SUPT5H: variants seen among roughly 807,000 people sequenced by gnomAD.
SUPT5H encodes transcription elongation factor SPT5.
In SUPT5H, 24 loss-of-function variants were observed where a neutral mutation model predicts 142.5. That is an observed-to-expected ratio of 0.17 (90% CI 0.12 to 0.24). The LOEUF (loss-of-function observed/expected upper bound fraction) is 0.24, where lower values mean the gene tolerates loss of function less well. Ranked by LOEUF, SUPT5H falls within the 10% of genes least tolerant of loss-of-function variation. SUPT5H has a pLI of 1.00. For missense variants in SUPT5H, 893 were observed against 1,471.8 expected (o/e 0.61, Z 6.43); for synonymous variants, 546 against 553.0 (o/e 0.99, Z 0.18).
chr19:39,455,278 G>A (rs929133603), intron 3 of SUPT5H, among the ~76,000 whole-genome samples: 2 of 152,066 alleles, frequency 1.3e-5, no homozygotes, highest in African/African-American at 2.4e-5. Context: ...AAATTACGTG[G>A]GGGCTGGGCG....
chr19:39,472,941 G>C lies in SUPT5H; in HGVS notation c.2155+12G>C. ...GGGGCCCTACAAAGGTGACCTGCGA[G>C]GCCTGTGGAGGCCTGGGGAGGGGCA... On this transcript the variant is annotated intron_variant, in intron 22 of 29. Transcript: ENST00000432763. The surrounding 1 kb of genome is among the most constrained non-coding windows in gnomAD (Gnocchi z 4.2). 6.2e-7 allele frequency: 1 copy of C among 1,611,520 alleles called. No individual in the cohort carries two copies. The highest frequency in any genetic ancestry group is 1.7e-4 in the Middle Eastern group (1 of 6,056).
At chr19:39,453,974 A>G (rs1278798400) in intron 3 of SUPT5H, among the ~76,000 whole-genome samples, 1 of 152,222 alleles carries the variant, frequency 6.6e-6, no homozygotes, top group Non-Finnish European at 1.5e-5. Flanking sequence ...AAAGAGGACA[A>G]TTTATTGAAG....
chr19:39,476,372 C>T lies in SUPT5H; in HGVS notation c.3237C>T (p.Arg1079=), dbSNP rs772764133. Residue 1079 remains arginine, a synonymous_variant, in exon 30 of 30, where the codon CGC becomes CGT. Transcript: ENST00000432763. ...LDEQLKILNL[R]FLGKLLEA ...AGCAGCTCAAGATCCTCAACCTCCG[C>T]TTCCTGGGGAAGCTCCTGGAAGCCT... 6.2e-7 allele frequency: 1 copy of T among 1,614,124 alleles called. No individual in the cohort carries two copies. Among genetic ancestry groups the T allele is most frequent in the East Asian group, 2.2e-5 (1 of 44,876 alleles).
At chr19:39,462,991 C>G (rs537485020) in intron 10 of SUPT5H, among the ~76,000 whole-genome samples, 2 of 150,216 alleles carry the variant, frequency 1.3e-5, no homozygotes, top group Non-Finnish European at 3.0e-5. Context: ...AGGCACCCAC[C>G]ACCATGCCCA....
chr19:39,465,515 T>C (rs972355186), intron 11 of SUPT5H, among the ~76,000 whole-genome samples: 3 of 152,356 alleles, frequency 2.0e-5, no homozygotes, highest in African/African-American at 7.2e-5. Flanking sequence ...CCACTGGTTC[T>C]CAAGCCAGGG....
chr19:39,461,651 C>T (rs757562412), intron 10 of SUPT5H, among the ~76,000 whole-genome samples: 11 of 151,726 alleles, frequency 7.2e-5, no homozygotes, highest in South Asian at 2.1e-4. Flanking sequence ...GGTGAAACTC[C>T]GTCTCTACCA....
intron 11 of SUPT5H, among the ~76,000 whole-genome samples, chr19:39,465,833 C>T (rs192076080): frequency 3.0e-4 from 46 of 152,298 alleles, no homozygotes; most frequent in African/African-American, 9.6e-4. Context: ...AGGACCAAGA[C>T]CCTAATACAC....
At chr19:39,446,026 G>T (rs1249431023) in intron 2 of SUPT5H, 61 bp downstream of exon 2, 11 of 1,558,276 alleles carry the variant, frequency 7.1e-6, no homozygotes, top group African/African-American at 1.3e-5. Context: ...GGGCAGAAAG[G>T]CCCCTGTGGG....
rs1474150232 is a variant in SUPT5H at position 39,472,535 on chromosome 19, G to C, written c.2035+42G>C. 1 of 1,605,658 alleles carries C rather than the reference G, an allele frequency of 6.2e-7. No individual in the cohort carries two copies. Among genetic ancestry groups the C allele is most frequent in the Non-Finnish European group, 8.5e-7 (1 of 1,173,358 alleles). ...GTCAGGGGATGTGGTGGGTAGAAGG[G>C]GCTGGAAGGAACTTGGTTGTTCAGC... On this transcript the variant is annotated intron_variant, in intron 21 of 29. Transcript: ENST00000432763. This position sits in a 1 kb window ranked among gnomAD's most constrained non-coding sequence, Gnocchi z 4.2.
intron 3 of SUPT5H, among the ~76,000 whole-genome samples, chr19:39,456,212 C>CA (rs1385442640): frequency 6.6e-6 from 1 of 151,344 alleles, no homozygotes; most frequent in Non-Finnish European, 1.5e-5. Flanking sequence ...CCATTGTGCC[C>CA]AGACCTTTTT....
Position 39,476,482 on chromosome 19 carries a change from C to T in SUPT5H, c.*83C>T. ...CCCTTGGCTGTGACACAAGATCCTC[C>T]TGCAGGGCTAGGCGGATTGTTCTGG... On this transcript the variant is annotated 3_prime_UTR_variant, in exon 30 of 30. Transcript: ENST00000432763. 1 of 1,547,594 alleles carries T rather than the reference C, an allele frequency of 6.5e-7. No homozygotes were observed. Among genetic ancestry groups the T allele is most frequent in the Non-Finnish European group, 8.9e-7 (1 of 1,129,928 alleles).
At chr19:39,475,805 A>ATCT in intron 28 of SUPT5H, 26 of 449,492 alleles carry the variant, frequency 5.8e-5, no homozygotes, top group South Asian at 2.5e-4. Flanking sequence ...TGTGGGGAAG[A>ATCT]CGCTGAGGCC....
rs555520519 is a variant in SUPT5H at position 39,466,327 on chromosome 19, A to G, written c.877-153A>G. ...CAGTGCCAGAGTTGAGGGGACAGAC[A>G]AGCTAGCGTGGGACTTTTGGGAGTG... is the stretch of plus-strand genomic sequence containing the variant. On this transcript the variant is annotated intron_variant, in intron 11 of 29. Transcript: ENST00000432763. The surrounding 1 kb of genome is among the most constrained non-coding windows in gnomAD (Gnocchi z 4.3). The G allele has an allele frequency of 5.7e-4, 392 of 684,228 alleles. No individual in the cohort carries two copies. The African/African-American group carries it at 6.4e-3, about 11-fold the overall frequency. The allele number at this position is 684,228 out of a possible 1,614,324, so 42.4% of individuals were successfully genotyped here.
chr19:39,468,678 C>A, intron 13 of SUPT5H, 78 bp from the exon 14 acceptor site: 1 of 1,304,592 alleles, frequency 7.7e-7, no homozygotes, highest in Non-Finnish European at 1.1e-6. Context: ...CTTCTGTTGC[C>A]AGCTGAGAAG....
intron 20 of SUPT5H, 144 bp downstream of exon 20, chr19:39,471,874 G>A: frequency 8.4e-7 from 1 of 1,183,454 alleles, no homozygotes; most frequent in South Asian, 1.7e-5. Flanking sequence ...AGAGTGAGAA[G>A]GTTTATTTGG....
At chr19:39,454,244 G>C (rs1445215397) in intron 3 of SUPT5H, among the ~76,000 whole-genome samples, 1 of 152,058 alleles carries the variant, frequency 6.6e-6, no homozygotes. Flanking sequence ...AATAGGAGCT[G>C]TAGTTTTTTC....
intron 2 of SUPT5H, among the ~76,000 whole-genome samples, chr19:39,449,647 G>GTTT (rs935822271): frequency 2.1e-5 from 3 of 145,438 alleles, no homozygotes; most frequent in Non-Finnish European, 4.6e-5. Flanking sequence ...GGTTAGTTTG[G>GTTT]TTTTTTTTTT....
intron 2 of SUPT5H, among the ~76,000 whole-genome samples, chr19:39,451,093 ATT>A (rs74178073): frequency 4.3e-4 from 62 of 145,708 alleles, no homozygotes; most frequent in Middle Eastern, 3.5e-3. Context: ...CAGATTTTGG[ATT>A]TTTTTTTTTT....
At chr19:39,453,597 G>T in intron 3 of SUPT5H, 76 bp downstream of exon 3, 1 of 1,421,752 alleles carries the variant, frequency 7.0e-7, no homozygotes, top group East Asian at 2.5e-5. Context: ...TTCTTTTTTT[G>T]AGGCGGAGTC....
Sources: gnomAD v4.1 joint callset for allele counts (sites outside exome capture counted in the v4.1 genomes callset) on GRCh38, gnomAD v4.1.1 for gene constraint, Gnocchi (gnomAD v3.1) non-coding constraint, MANE v1.5 for transcripts, NCBI Gene and HGNC (gene_info 2026-07-23, HGNC 2026-07-21) for gene names.